PYURF: variants seen among roughly 807,000 people sequenced by gnomAD.
PYURF encodes PIGY upstream open reading frame, also known as protein preY, mitochondrial.
A neutral mutation model predicts 8.0 loss-of-function variants in PYURF; 9 were observed. The ratio of observed to expected loss-of-function variants is 1.13; its 90% CI spans 0.68 to 1.97. The LOEUF (loss-of-function observed/expected upper bound fraction) is 1.97. PYURF is among the 30% of genes most tolerant of loss of function. The pLI is 0.00. For missense variants in PYURF, 130 were observed against 158.0 expected, an observed-to-expected ratio of 0.82 and a Z score of 0.95; for synonymous variants, 56 against 68.3, an observed-to-expected ratio of 0.82 and a Z score of 0.89.
rs1237267798 is a variant in PYURF, at chr4:88,521,836, G to A, written c.*52C>T. ...TGCCACTGTGTTTTAAAAGGTATAT[G>A]GTATTAAGAAAAGTTGGCTGTTGCG... On this transcript the variant is annotated 3_prime_UTR_variant, in exon 2 of 2. Coordinates refer to ENST00000273968, the MANE Select transcript of PYURF (RefSeq NM_032906.5). 1.3e-6 allele frequency: 2 copies of A among 1,578,008 alleles called. No homozygotes were observed. The highest frequency in any genetic ancestry group is 1.4e-5 in the African/African-American group (1 of 73,606).
rs1264350010 is a variant in PYURF at position 88,521,882 on chromosome 4, T to A, written c.*6A>T. ...TTGCGTTTTTTTAATTTTTTTAAATTATGAACTAGCGCTGCTCCACTTCTT... is the reference window on the plus strand; with the variant it reads ...TTGCGTTTTTTTAATTTTTTTAAATAATGAACTAGCGCTGCTCCACTTCTT... On this transcript the variant is annotated 3_prime_UTR_variant, in exon 2 of 2. Coordinates refer to ENST00000273968, the MANE Select transcript of PYURF (RefSeq NM_032906.5). 6.5e-7 allele frequency: 1 copy of A among 1,541,244 alleles called. No individual in the cohort carries two copies. Among genetic ancestry groups the A allele is most frequent in the African/African-American group, 1.4e-5 (1 of 72,128 alleles).
chr4:88,523,446 C>G, intron 1 of PYURF, 52 bp downstream of exon 1: 1 of 1,540,432 alleles, frequency 6.5e-7, no homozygotes, highest in Non-Finnish European at 8.8e-7. Context: ...TCCACCGCTC[C>G]CTTTCCGCCC....
intron 1 of PYURF, among the ~76,000 whole-genome samples, chr4:88,522,686 T>C (rs748803972): frequency 1.3e-5 from 2 of 152,230 alleles, no homozygotes; most frequent in Non-Finnish European, 2.9e-5. Context: ...TTTGTAATAC[T>C]AGCGTTAGTG....
rs116570897 is a variant in PYURF at position 88,523,435 on chromosome 4, G to A, written c.203+63C>T. On this transcript the variant is annotated intron_variant, in intron 1 of 1. Coordinates refer to ENST00000273968, the MANE Select transcript of PYURF (RefSeq NM_032906.5). ...GCCCCAGTGGCTGCAAGAGGCCGCG[G>A]TCCACCGCTCCCTTTCCGCCCACCG... The A allele has an allele frequency of 5.8e-3, 8,837 of 1,521,674 alleles. 46 individuals carry two copies. The highest frequency in any genetic ancestry group is 6.2e-3 in the Non-Finnish European group (6,924 of 1,123,336). The allele number at this position is 1,521,674 out of a possible 1,614,324, so 94.3% of individuals were successfully genotyped here.
intron 1 of PYURF, 141 bp downstream of exon 1, chr4:88,523,357 G>A (rs1742448352): frequency 1.1e-6 from 1 of 877,064 alleles, no homozygotes; most frequent in Non-Finnish European, 1.7e-6. Flanking sequence ...TGTGCGCCCG[G>A]CGAGGACAGA....
Position 88,523,655 on chromosome 4 carries a change from T to C in PYURF, c.46A>G (p.Thr16Ala), listed in dbSNP as rs1742470893. Residue 16 changes from threonine to alanine, a missense_variant, in exon 1 of 2, where the codon ACG becomes GCG. Physicochemically the swap from Thr to Ala is moderately conservative, Grantham distance 58. Coordinates refer to ENST00000273968, the MANE Select transcript of PYURF (RefSeq NM_032906.5). ...GCGACCGCGGACGGCGGCGCGCGCGTTCCCCGCAGCGCTGAGGCGAGCCTG... is the reference window on the plus strand; with the variant it reads ...GCGACCGCGGACGGCGGCGCGCGCGCTCCCCGCAGCGCTGAGGCGAGCCTG... The part of the protein sequence containing the change: ...RCRLASALRG[T>A]RAPPSAVARR... The C allele has an allele frequency of 6.5e-7, 1 of 1,536,752 alleles. No homozygotes were observed. Among genetic ancestry groups the C allele is most frequent in the Admixed American group, 2.0e-5 (1 of 50,176 alleles).
chr4:88,521,472 C>A lies in PYURF; in HGVS notation c.*416G>T. The A allele has an allele frequency of 1.8e-6, 2 of 1,083,918 alleles. No individual in the cohort carries two copies. Among genetic ancestry groups the A allele is most frequent in the Non-Finnish European group, 1.3e-6 (1 of 746,014 alleles). The allele number at this position is 1,083,918 out of a possible 1,614,324, so 67.1% of individuals were successfully genotyped here. ...AGTCCTAAGCCTGATATGCGCAAAGCAAAGCCTCTTTCCCGCAAACTAAAT... is the reference window on the plus strand; with the variant it reads ...AGTCCTAAGCCTGATATGCGCAAAGAAAAGCCTCTTTCCCGCAAACTAAAT... On this transcript the variant is annotated 3_prime_UTR_variant, in exon 2 of 2. Coordinates refer to ENST00000273968, the MANE Select transcript of PYURF (RefSeq NM_032906.5).
chr4:88,523,364 C>G, intron 1 of PYURF, 134 bp downstream of exon 1: 1 of 929,792 alleles, frequency 1.1e-6, no homozygotes, highest in South Asian at 1.5e-5. Context: ...CCGGCGAGGA[C>G]AGAGTCCAGA....
rs367845984 is a variant in PYURF, at chr4:88,521,553, A to G, written c.*335T>C. 6.6e-4 allele frequency: 1,031 copies of G among 1,557,852 alleles called. 9 individuals are homozygous for G. The highest frequency in any genetic ancestry group is 6.2e-3 in the South Asian group (551 of 89,534). On this transcript the variant is annotated 3_prime_UTR_variant, in exon 2 of 2. Transcript: ENST00000273968. ...CCCAAGAGCTATCATTAATATATACAGCATATTGACTCTAGTTGCATCAAT... is the reference window on the plus strand; with the variant it reads ...CCCAAGAGCTATCATTAATATATACGGCATATTGACTCTAGTTGCATCAAT...
At chr4:88,523,348 G>T in intron 1 of PYURF, 150 bp downstream of exon 1, 1 of 820,802 alleles carries the variant, frequency 1.2e-6, no homozygotes, top group Non-Finnish European at 1.9e-6. Flanking sequence ...CCTGCCCGCT[G>T]TGCGCCCGGC....
rs1225578264 is a variant in PYURF, at chr4:88,523,574, T to A, written c.127A>T (p.Thr43Ser). 2.3e-5 allele frequency: 36 copies of A among 1,550,328 alleles called. No individual in the cohort carries two copies. The highest frequency in any genetic ancestry group is 3.1e-5 in the Non-Finnish European group (35 of 1,146,822). Residue 43 changes from threonine (T) to serine (S), a missense_variant, in exon 1 of 2, where the codon ACT (threonine) becomes TCT (serine). Transcript: ENST00000273968. ...SRPLADRGKK[T>S]EEPPRDFDPA... ...TCGAAGTCGCGGGGCGGCTCCTCAG[T>A]CTTCTTGCCCCGGTCGGCCAAAGGC...
At position 88,521,269 on chromosome 4, in the gene PYURF, G is replaced by A. The variant is rs1325812753; in HGVS notation, c.*619C>T. The A allele has an allele frequency of 2.2e-5, 6 of 268,258 alleles. No individual in the cohort carries two copies. Among genetic ancestry groups the A allele is most frequent in the East Asian group, 7.2e-5 (1 of 13,908 alleles). 16.6% of individuals were successfully genotyped at this position (268,258 alleles called of 1,614,324 possible). A position where few individuals can be genotyped will look rare whatever the true frequency, so the allele number is the denominator to read the frequency against. ...CAAACAAGCAAAACAAAATTTCAATGACTCTTAGATGAATGGAATAAGAAA... is the reference window on the plus strand; with the variant it reads ...CAAACAAGCAAAACAAAATTTCAATAACTCTTAGATGAATGGAATAAGAAA... On this transcript the variant is annotated 3_prime_UTR_variant, in exon 2 of 2. Transcript: ENST00000273968.
In PYURF at chr4:88,521,769, C is replaced by T. The variant is rs768646903; in HGVS notation, c.*119G>A. ...AAACCAGTGGAATAAGAACAGTCAA[C>T]GTAGGAAGAGACAGAAACATTCTTC... On this transcript the variant is annotated 3_prime_UTR_variant, in exon 2 of 2. Coordinates refer to ENST00000273968, the MANE Select transcript of PYURF (RefSeq NM_032906.5). The T allele has an allele frequency of 4.3e-6, 7 of 1,612,430 alleles. No homozygotes were observed. Among genetic ancestry groups the T allele is most frequent in the South Asian group, 1.1e-5 (1 of 90,936 alleles).
Position 88,523,478 on chromosome 4 carries a change from G to A in PYURF, c.203+20C>T. On this transcript the variant is annotated intron_variant, in intron 1 of 1. Transcript: ENST00000273968. ...GCCCACCGGGAGGCTGCAAAGGAAG[G>A]GCCAAGGCCAGCGAGTTACCTGAGC... The A allele has an allele frequency of 6.4e-7, 1 of 1,550,838 alleles. No homozygotes were observed.
At position 88,523,619 on chromosome 4, in the gene PYURF, G is replaced by A. The variant is rs1742467965; in HGVS notation, c.82C>T (p.Leu28=). ...AAAGGCCGCGACCCCGACGCGTGCA[G>A]GCACCTACGGGCGACCGCGGACGGC... The part of the protein sequence containing the change: ...APPSAVARRC[L]HASGSRPLAD... The change falls in exon 1 of 2, where the codon CTG becomes TTG. Residue 28 remains leucine (L), a synonymous_variant. Transcript: ENST00000273968. 1.2e-5 allele frequency: 18 copies of A among 1,545,428 alleles called. No individual in the cohort carries two copies. Among genetic ancestry groups the A allele is most frequent in the Non-Finnish European group, 1.6e-5 (18 of 1,145,406 alleles).
rs1742474530 is a variant in PYURF, at chr4:88,523,721, G to C, written c.-21C>G. On this transcript the variant is annotated 5_prime_UTR_variant, in exon 1 of 2. Transcript: ENST00000273968. ...AGCATGGTCTGGCAGCCGGAGACCA[G>C]GCCTCACCGCAGCCTCGCCACCCGT... is the stretch of plus-strand genomic sequence containing the variant. 1 of 1,429,288 alleles carries C rather than the reference G, an allele frequency of 7.0e-7. No individual in the cohort carries two copies. The highest frequency in any genetic ancestry group is 2.9e-5 in the Admixed American group (1 of 34,870). The allele number at this position is 1,429,288 out of a possible 1,614,324, so 88.5% of individuals were successfully genotyped here.
intron 1 of PYURF, among the ~76,000 whole-genome samples, chr4:88,522,926 G>C (rs1742421345): frequency 6.6e-6 from 1 of 152,178 alleles, no homozygotes; most frequent in Non-Finnish European, 1.5e-5. Flanking sequence ...GAAGGCTTCG[G>C]ACTTGTCCTG....
In PYURF at chr4:88,523,514, A is replaced by T. The variant is rs1364646815; in HGVS notation, c.187T>A (p.Ser63Thr). 1 of 1,551,100 alleles carries T rather than the reference A, an allele frequency of 6.4e-7. No individual in the cohort carries two copies. Among genetic ancestry groups the T allele is most frequent in the Non-Finnish European group, 8.7e-7 (1 of 1,146,856 alleles). The change falls in exon 1 of 2, where the codon TCC becomes ACC. Residue 63 changes from serine (S) to threonine (T), a missense_variant. Ser to Thr is a moderately conservative substitution (Grantham distance 58). Coordinates refer to ENST00000273968, the MANE Select transcript of PYURF (RefSeq NM_032906.5). ...GCGAGTTACCTGAGCGGCTTCTTGG[A>T]GAGCGGGCACACCAGGAACTCCAGC... ...ALLEFLVCPLSKKPLRYEAST... is the reference protein window; with the variant it reads ...ALLEFLVCPLTKKPLRYEAST...
chr4:88,521,668 C>T lies in PYURF; in HGVS notation c.*220G>A. The stretch of plus-strand genomic sequence containing the variant: ...AATAGGCAAGAGCAGGCTGTAAAAG[C>T]AAAGGCTGGCTGTGCTAGTGCAGCC... On this transcript the variant is annotated 3_prime_UTR_variant, in exon 2 of 2. Transcript: ENST00000273968. 6.2e-7 allele frequency: 1 copy of T among 1,613,970 alleles called. No individual in the cohort carries two copies. The highest frequency in any genetic ancestry group is 1.1e-5 in the South Asian group (1 of 91,074).
Sources: gnomAD v4.1 joint callset for allele counts (sites outside exome capture counted in the v4.1 genomes callset) on GRCh38, gnomAD v4.1.1 for gene constraint, MANE v1.5 for transcripts, NCBI Gene and HGNC (gene_info 2026-07-23, HGNC 2026-07-21) for gene names.